The following DYRK1A variants were observed in gnomAD, a reference collection of about 807,000 sequenced individuals.
DYRK1A encodes dual specificity tyrosine-phosphorylation-regulated kinase 1A.
A neutral mutation model predicts 79.7 loss-of-function variants in DYRK1A; 9 were observed. The ratio of observed to expected loss-of-function variants is 0.11; its 90% CI spans 0.07 to 0.20. The LOEUF (loss-of-function observed/expected upper bound fraction) is 0.20. Among genes scored for constraint, DYRK1A ranks in the 10% least tolerant of loss-of-function variants. DYRK1A has a pLI of 1.00. For synonymous variants in DYRK1A, 349 were observed against 329.7 expected (o/e 1.06, Z -0.63); for missense variants, 622 against 956.0 (o/e 0.65, Z 4.61).
At chr21:37,437,897 AT>A (rs1364122643) in intron 2 of DYRK1A, among the ~76,000 whole-genome samples, 1 of 152,182 alleles carries the variant, frequency 6.6e-6, no homozygotes, top group Non-Finnish European at 1.5e-5. Context: ...TGTGGTGGGT[AT>A]ATGCCTAACT....
At chr21:37,433,472 A>G (rs2050834562) in intron 2 of DYRK1A, among the ~76,000 whole-genome samples, 2 of 152,230 alleles carry the variant, frequency 1.3e-5, no homozygotes, top group Non-Finnish European at 2.9e-5. Context: ...AATATTAAAG[A>G]TTCATGAGTA....
At chr21:37,366,248 G>C (rs1427265711), upstream of DYRK1A, 1 of 149,210 alleles carries the variant, frequency 6.7e-6, no homozygotes, top group Non-Finnish European at 1.5e-5. Context: ...CGAAGGCCGC[G>C]GCGCCCCTCC....
Position 37,512,887 on chromosome 21 carries a change from C to T in DYRK1A, c.*356C>T, listed in dbSNP as rs1300117457. 1.0e-5 allele frequency: 2 copies of T among 198,144 alleles called. No individual in the cohort carries two copies. The highest frequency in any genetic ancestry group is 1.1e-4 in the Admixed American group (2 of 18,650). The allele number at this position is 198,144 out of a possible 1,614,324, so 12.3% of individuals were successfully genotyped here. A position where few individuals can be genotyped will look rare whatever the true frequency, so the allele number is the denominator to read the frequency against. ...TGCCAACTAATTTTAAAGTAAAAGG[C>T]ACTGCACATAATTTGCATAAAGGGC... On this transcript the variant is annotated 3_prime_UTR_variant, in exon 12 of 12. Transcript: ENST00000647188.
At chr21:37,489,830 T>G (rs1014274103) in intron 6 of DYRK1A, among the ~76,000 whole-genome samples, 4 of 152,288 alleles carry the variant, frequency 2.6e-5, no homozygotes, top group Middle Eastern at 3.4e-3. Context: ...AAAAGTGCTT[T>G]CTTTTATAAA....
rs2053770653 is a variant in DYRK1A, at chr21:37,512,145, C to T, written c.1879C>T (p.Pro627Ser). 6.2e-7 allele frequency: 1 copy of T among 1,614,088 alleles called. No individual in the cohort carries two copies. The highest frequency in any genetic ancestry group is 1.1e-5 in the South Asian group (1 of 91,078). Reference protein sequence around the residue: ...NRTRPRVYNSPTNSSSTQDSM... With the variant: ...NRTRPRVYNSSTNSSSTQDSM... ...GACCAGGCCAAGGGTCTACAATTCT[C>T]CAACGAATAGCTCCTCTACCCAAGA... The change falls in exon 12 of 12, where the codon CCA (proline) becomes TCA (serine). Residue 627 changes from proline (P) to serine (S), a missense_variant. Transcript: ENST00000647188.
At chr21:37,454,460 A>G (rs2051568574) in intron 2 of DYRK1A, among the ~76,000 whole-genome samples, 1 of 152,202 alleles carries the variant, frequency 6.6e-6, no homozygotes, top group South Asian at 2.1e-4. Flanking sequence ...CTCTGTCAAT[A>G]GTAGTTTTGG....
At chr21:37,444,993 A>T (rs986450414) in intron 2 of DYRK1A, among the ~76,000 whole-genome samples, 6 of 152,108 alleles carry the variant, frequency 3.9e-5, no homozygotes, top group Admixed American at 6.6e-5. Context: ...CCATTTTACA[A>T]ATGAGAAAAC....
chr21:37,524,132 A>G lies in DYRK1A; in HGVS notation c.*11601A>G, dbSNP rs2053953163. 6.6e-6 allele frequency: 1 copy of G among 152,232 alleles called. No homozygotes were observed. The highest frequency in any genetic ancestry group is 1.5e-5 in the Non-Finnish European group (1 of 68,032). 9.4% of individuals were successfully genotyped at this position (152,232 alleles called of 1,614,324 possible). ...AGTGCAATGACATGGTAGCTGTCCT[A>G]AGGAACACAATACAACCAGGTGCAG... On this transcript the variant is annotated 3_prime_UTR_variant, in exon 12 of 12. Coordinates refer to ENST00000647188, the MANE Select transcript of DYRK1A (RefSeq NM_001347721.2).
chr21:37,375,862 A>G (rs1419616311), intron 1 of DYRK1A, among the ~76,000 whole-genome samples: 2 of 151,936 alleles, frequency 1.3e-5, no homozygotes, highest in Non-Finnish European at 1.5e-5. Flanking sequence ...TGTATCAGTT[A>G]TTATTATTAG....
chr21:37,430,780 G>C (rs1007498603), intron 2 of DYRK1A, among the ~76,000 whole-genome samples: 1 of 152,142 alleles, frequency 6.6e-6, no homozygotes, highest in African/African-American at 2.4e-5. Context: ...CATTTCTTTG[G>C]CCTCACCCTT....
chr21:37,505,435 C>A lies in DYRK1A; in HGVS notation c.1365C>A (p.Pro455=), dbSNP rs745311187. The A allele has an allele frequency of 4.8e-5, 78 of 1,614,000 alleles. No individual in the cohort carries two copies. In the Admixed American group the frequency reaches 8.2e-4, roughly 17 times the overall value. ...DLILRMLDYD[P]KTRIQPYYAL... is the part of the protein sequence containing the mutation. ...TTTTAAGGATGCTTGATTATGACCC[C>A]AAAACTCGAATTCAACCTTATTATG... Residue 455 remains proline, a synonymous_variant, in exon 10 of 12, where the codon CCC becomes CCA. Coordinates refer to ENST00000647188, the MANE Select transcript of DYRK1A (RefSeq NM_001347721.2).
At chr21:37,421,516 G>A (rs2050475183) in intron 2 of DYRK1A, among the ~76,000 whole-genome samples, 1 of 152,130 alleles carries the variant, frequency 6.6e-6, no homozygotes, top group South Asian at 2.1e-4. Context: ...TACGTCAAAG[G>A]TGATTGAGCA....
chr21:37,451,110 A>C (rs1400490327), intron 2 of DYRK1A, among the ~76,000 whole-genome samples: 1 of 152,256 alleles, frequency 6.6e-6, no homozygotes, highest in Non-Finnish European at 1.5e-5. Flanking sequence ...AAGAATGTAA[A>C]GAAAGAAAAC....
intron 1 of DYRK1A, among the ~76,000 whole-genome samples, chr21:37,372,011 G>A (rs868265504): frequency 6.6e-6 from 1 of 151,860 alleles, no homozygotes; most frequent in Non-Finnish European, 1.5e-5. Context: ...GAGCCATTTC[G>A]ACATCTTGGC....
intron 2 of DYRK1A, among the ~76,000 whole-genome samples, chr21:37,455,019 C>CTTTTTT (rs72223324): frequency 2.6e-5 from 3 of 116,854 alleles, no homozygotes; most frequent in African/African-American, 6.7e-5. Context: ...GGGTGGTCAC[C>CTTTTTT]TTTTTTTTTT....
At position 37,525,542 on chromosome 21, in the gene DYRK1A, ACT is replaced by A. The variant is rs2053962205; in HGVS notation, c.*13013_*13014del. ...TGAGATTTGGGTGGGGACACAGCTA[ACT>A]CATATCAGTGTGGAATAGAAAATGG... On this transcript the variant is annotated 3_prime_UTR_variant, in exon 12 of 12. Coordinates refer to ENST00000647188, the MANE Select transcript of DYRK1A (RefSeq NM_001347721.2). The A allele has an allele frequency of 6.6e-6, 1 of 152,250 alleles. No homozygotes were observed. The highest frequency in any genetic ancestry group is 2.4e-5 in the African/African-American group (1 of 41,456). 9.4% of individuals were successfully genotyped at this position (152,250 alleles called of 1,614,324 possible). A position where few individuals can be genotyped will look rare whatever the true frequency, so the allele number is the denominator to read the frequency against.
chr21:37,445,626 A>C (rs985838678), intron 2 of DYRK1A, among the ~76,000 whole-genome samples: 1 of 152,168 alleles, frequency 6.6e-6, no homozygotes, highest in Admixed American at 6.5e-5. Context: ...CAAATGAGCA[A>C]ATACATCTGT....
In DYRK1A at chr21:37,512,353, A is replaced by C. The variant is rs756765804; in HGVS notation, c.2087A>C (p.Tyr696Ser). ...GCTATGGACGTTAATTTGACCGTCT[A>C]CTCCAATCCCCGCCAAGAGACTGGC... is the stretch of plus-strand genomic sequence containing the variant. ...NGAMDVNLTV[Y>S]SNPRQETGIA... Residue 696 changes from tyrosine to serine, a missense_variant, in exon 12 of 12, where the codon TAC becomes TCC. Tyr to Ser is a moderately radical substitution (Grantham distance 144). Around this residue, in one of 5 missense-constraint regions of DYRK1A, gnomAD observed 292 missense variants for 316.7 expected, o/e 0.92. Transcript: ENST00000647188. 1 of 1,614,120 alleles carries C rather than the reference A, an allele frequency of 6.2e-7. No homozygotes were observed. The highest frequency in any genetic ancestry group is 8.5e-7 in the Non-Finnish European group (1 of 1,180,024).
intron 3 of DYRK1A, among the ~76,000 whole-genome samples, chr21:37,475,306 T>G (rs140474302): frequency 3.9e-5 from 6 of 152,200 alleles, no homozygotes; most frequent in African/African-American, 1.4e-4. Context: ...CACCATGGAC[T>G]TAACTTTTTG....
Sources: allele counts gnomAD v4.1 joint callset (sites outside exome capture counted in the v4.1 genomes callset), GRCh38; gene constraint gnomAD v4.1.1; regional missense constraint gnomAD v4.1.1; transcripts MANE v1.5; gene names NCBI Gene and HGNC (gene_info 2026-07-23, HGNC 2026-07-21).